UBXN4: variants seen among roughly 807,000 people sequenced by gnomAD.
UBXN4 encodes the protein UBX domain protein 4, also known as UBX domain-containing protein 4.
UBXN4 carries 35 observed loss-of-function variants against 66.2 expected under a neutral mutation model. The ratio of observed to expected loss-of-function variants is 0.53; its 90% CI spans 0.40 to 0.70. The LOEUF is 0.70. Among genes scored for constraint, UBXN4 ranks in the 30% least tolerant of loss-of-function variants. UBXN4 has a pLI of 0.00. For synonymous variants in UBXN4, 203 were observed against 204.5 expected (o/e 0.99, Z 0.06); for missense variants, 533 against 599.8 (o/e 0.89, Z 1.16).
intron 9 of UBXN4, among the ~76,000 whole-genome samples, chr2:135,774,132 TAC>T (rs2077398811): frequency 6.6e-6 from 1 of 152,240 alleles, no homozygotes; most frequent in Admixed American, 6.5e-5. Context: ...TGCAAAGCTA[TAC>T]AGTGATGTAA....
Position 135,742,017 on chromosome 2 carries a change from G to A in UBXN4, c.82+6G>A. 1.2e-6 allele frequency: 2 copies of A among 1,612,726 alleles called. No individual in the cohort carries two copies. Among genetic ancestry groups the A allele is most frequent in the South Asian group, 1.1e-5 (1 of 90,980 alleles). ...CTTCGTGGTGTTCGTGGCAGGTGAA[G>A]GAGGCAGGGGTTCGAGAGGCGGCCG... is the stretch of plus-strand genomic sequence containing the variant. On this transcript the variant is annotated splice_donor_region_variant and intron_variant, in intron 1 of 12. Transcript: ENST00000272638.
Position 135,776,152 on chromosome 2 carries a change from T to A in UBXN4, c.951-97T>A, listed in dbSNP as rs565317558. 12 of 954,220 alleles carry A rather than the reference T, an allele frequency of 1.3e-5. No homozygotes were observed. The South Asian group carries it at 2.0e-4, about 16-fold the overall frequency. The allele number at this position is 954,220 out of a possible 1,614,324, so 59.1% of individuals were successfully genotyped here. ...TCTGATATGGTAGAAAAAACTATTG[T>A]CATTGCACATTTCCACTTCCATTTT... On this transcript the variant is annotated intron_variant, in intron 9 of 12. Coordinates refer to ENST00000272638, the MANE Select transcript of UBXN4 (RefSeq NM_014607.4).
chr2:135,779,109 T>C (rs2105509727), intron 11 of UBXN4, 30 bp downstream of exon 11: 7 of 1,546,346 alleles, frequency 4.5e-6, no homozygotes, highest in Non-Finnish European at 6.1e-6. Flanking sequence ...TTTTTTTCTC[T>C]TCTTATTGTT....
At chr2:135,751,114 A>G (rs1222427527) in intron 2 of UBXN4, among the ~76,000 whole-genome samples, 2 of 149,740 alleles carry the variant, frequency 1.3e-5, no homozygotes, top group Non-Finnish European at 3.0e-5. Context: ...CAGCCTCCCA[A>G]AGTGCTGGGA....
chr2:135,771,730 T>G (rs1392236862), intron 8 of UBXN4, among the ~76,000 whole-genome samples: 1 of 152,018 alleles, frequency 6.6e-6, no homozygotes, highest in East Asian at 1.9e-4. Context: ...GCCCAGCTAA[T>G]TTTTGTATTT....
chr2:135,742,605 G>A (rs949467516), intron 1 of UBXN4: 8 of 152,518 alleles, frequency 5.2e-5, no homozygotes, highest in African/African-American at 1.9e-4. Flanking sequence ...GTAGGAACGG[G>A]CCATTAGGCA....
intron 5 of UBXN4, among the ~76,000 whole-genome samples, chr2:135,758,474 A>G (rs1192972868): frequency 6.6e-6 from 1 of 151,818 alleles, no homozygotes; most frequent in East Asian, 1.9e-4. Flanking sequence ...TTGCCCTCTG[A>G]AAGTGCTGGG....
intron 1 of UBXN4, chr2:135,742,638 G>A (rs564629861): frequency 2.0e-5 from 3 of 152,462 alleles, no homozygotes; most frequent in African/African-American, 7.2e-5. Flanking sequence ...GTAATTAGTT[G>A]TGGACTGTCG....
At chr2:135,756,870 G>A (rs932409688) in intron 5 of UBXN4, among the ~76,000 whole-genome samples, 6 of 152,104 alleles carry the variant, frequency 3.9e-5, no homozygotes, top group Non-Finnish European at 5.9e-5. Context: ...ACAGTTACAG[G>A]TATTGTCCAC....
chr2:135,772,336 A>C, intron 8 of UBXN4, 84 bp from the exon 9 acceptor site: 1 of 1,534,548 alleles, frequency 6.5e-7, no homozygotes, highest in South Asian at 1.2e-5. Context: ...ATAAAAAAAA[A>C]AAATTCCATG....
chr2:135,770,405 T>G (rs2077376303), intron 7 of UBXN4, among the ~76,000 whole-genome samples, 166 bp from the exon 8 acceptor site: 1 of 152,174 alleles, frequency 6.6e-6, no homozygotes, highest in South Asian at 2.1e-4. Flanking sequence ...TGGCAATGAT[T>G]TATAGATTGA....
At chr2:135,762,592 A>G (rs1407558383) in intron 6 of UBXN4, among the ~76,000 whole-genome samples, 4 of 152,196 alleles carry the variant, frequency 2.6e-5, no homozygotes, top group African/African-American at 9.6e-5. Context: ...TCGGGGAAAC[A>G]GGGTTCAAAG....
At chr2:135,769,551 G>C (rs1308376094) in intron 6 of UBXN4, among the ~76,000 whole-genome samples, 1 of 152,098 alleles carries the variant, frequency 6.6e-6, no homozygotes, top group African/African-American at 2.4e-5. Flanking sequence ...TCATAAGTGG[G>C]AAGTGAGGCA....
intron 9 of UBXN4, among the ~76,000 whole-genome samples, chr2:135,775,234 T>G (rs1229628156): frequency 6.6e-6 from 1 of 152,220 alleles, no homozygotes; most frequent in African/African-American, 2.4e-5. Flanking sequence ...GAAAACAGTT[T>G]GCCAGTAACG....
At chr2:135,742,308 C>T (rs1169089965) in intron 1 of UBXN4, among the ~76,000 whole-genome samples, 1 of 152,198 alleles carries the variant, frequency 6.6e-6, no homozygotes, top group African/African-American at 2.4e-5. Flanking sequence ...CTCCCCGGTT[C>T]GTTTGAGATA....
At chr2:135,782,654 T>A in intron 12 of UBXN4, 95 bp from the exon 13 acceptor site, 1 of 1,458,762 alleles carries the variant, frequency 6.9e-7, no homozygotes, top group Non-Finnish European at 9.3e-7. Context: ...AAAGTAAAAC[T>A]TAGTTGCCTG....
chr2:135,772,932 G>T (rs2077392320), intron 9 of UBXN4, among the ~76,000 whole-genome samples: 1 of 151,820 alleles, frequency 6.6e-6, no homozygotes, highest in East Asian at 1.9e-4. Flanking sequence ...AGCTACGCGG[G>T]AGGCTGAGGC....
intron 9 of UBXN4, among the ~76,000 whole-genome samples, chr2:135,775,057 A>T (rs2077404920): frequency 6.6e-6 from 1 of 152,226 alleles, no homozygotes; most frequent in African/African-American, 2.4e-5. Flanking sequence ...GATGTTCAAC[A>T]TCATTAGTCA....
intron 6 of UBXN4, among the ~76,000 whole-genome samples, chr2:135,769,234 TC>T (rs1299777168): frequency 1.3e-5 from 2 of 151,664 alleles, no homozygotes; most frequent in Non-Finnish European, 2.9e-5. Context: ...GCTCAAGAGA[TC>T]CACCAACCTC....
Sources: gnomAD v4.1 joint callset for allele counts (sites outside exome capture counted in the v4.1 genomes callset) on GRCh38, gnomAD v4.1.1 for gene constraint, MANE v1.5 for transcripts, NCBI Gene and HGNC (gene_info 2026-07-23, HGNC 2026-07-21) for gene names.